The following GALNT14 variants were observed in gnomAD, a reference collection of about 807,000 sequenced individuals.
The protein encoded by GALNT14 is polypeptide N-acetylgalactosaminyltransferase 14, also known as UDP-GalNAc:polypeptide N-acetylgalactosaminyltransferase 14.
Under a neutral mutation model 77.5 loss-of-function variants are expected in GALNT14, and 60 were observed. The ratio of observed to expected loss-of-function variants is 0.77; its 90% CI spans 0.63 to 0.96. The LOEUF (loss-of-function observed/expected upper bound fraction) is 0.96, where lower values mean the gene tolerates loss of function less well. Among genes scored for constraint, GALNT14 ranks in the 40% least tolerant of loss-of-function variants. The pLI, the probability that GALNT14 is intolerant of heterozygous loss-of-function variation, is 0.00. For synonymous variants in GALNT14, 280 were observed against 281.7 expected (o/e 0.99, Z 0.06); for missense variants, 710 against 731.0 (o/e 0.97, Z 0.33).
chr2:30,993,881 A>T (rs1669866733), intron 1 of GALNT14, among the ~76,000 whole-genome samples: 1 of 152,202 alleles, frequency 6.6e-6, no homozygotes, highest in African/African-American at 2.4e-5. Context: ...TCCTAGCCAC[A>T]GCCCAGGCTG....
chr2:31,059,168 C>A (rs943159281), intron 1 of GALNT14, among the ~76,000 whole-genome samples: 2 of 152,170 alleles, frequency 1.3e-5, no homozygotes, highest in Non-Finnish European at 2.9e-5. Context: ...TCCCAAGGGA[C>A]AATATTTCTT....
intron 1 of GALNT14, among the ~76,000 whole-genome samples, chr2:31,014,205 G>A (rs1434866197): frequency 1.3e-5 from 2 of 152,202 alleles, no homozygotes; most frequent in African/African-American, 2.4e-5. Flanking sequence ...CATAGTAAAT[G>A]TCAATTAAGA....
At chr2:30,887,636 A>G in the GALNT14 span, among the ~76,000 whole-genome samples, 1 of 152,230 alleles carries the variant, frequency 6.6e-6, no homozygotes, top group Non-Finnish European at 1.5e-5. Context: ...CTCCAGAGAT[A>G]CGATTTGCAA....
In GALNT14 at chr2:31,047,471, G is replaced by A. The variant is rs1573237484; in HGVS notation, c.130-54464C>T. Among the ~76,000 whole-genome samples, 4 of 152,234 alleles carry A rather than the reference G, an allele frequency of 2.6e-5. No homozygotes were observed. In the South Asian group the frequency reaches 8.3e-4, roughly 32 times the overall value. On this transcript the variant is annotated intron_variant, in intron 1 of 14. Coordinates refer to ENST00000349752, the MANE Select transcript of GALNT14 (RefSeq NM_024572.4). ...TCCCAGGGCCACAGATTCCCATTTG[G>A]AGCTACTCTCTGGGCCTGAAGAGCT... is the stretch of plus-strand genomic sequence containing the variant.
At chr2:31,110,272 C>T (rs192346910) in intron 1 of GALNT14, among the ~76,000 whole-genome samples, 8 of 152,276 alleles carry the variant, frequency 5.3e-5, no homozygotes, top group East Asian at 1.9e-4. Flanking sequence ...CTTGTTTCTA[C>T]GCACTCTATT....
intron 6 of GALNT14, among the ~76,000 whole-genome samples, chr2:30,951,731 G>C (rs769970519): frequency 2.6e-5 from 4 of 152,226 alleles, no homozygotes; most frequent in Non-Finnish European, 4.4e-5. Flanking sequence ...CATGGGGACT[G>C]AGTCCACTGC....
chr2:30,958,360 A>C, intron 4 of GALNT14, 37 bp downstream of exon 4: 1 of 1,576,794 alleles, frequency 6.3e-7, no homozygotes, highest in Non-Finnish European at 8.7e-7. Context: ...GGGAACAGAC[A>C]TTCGTGTCTA....
In GALNT14 at chr2:31,125,314, T is replaced by C. The variant is rs576431721; in HGVS notation, c.129+12644A>G. On this transcript the variant is annotated intron_variant, in intron 1 of 14. Transcript: ENST00000349752. ...ATTTCTTTGGCAATTAATAGCAGCA[T>C]TGATTTCACAGAGATCTTACCCCTC... 7.5e-5 allele frequency: 92 copies of C among 1,222,026 alleles called. No homozygotes were observed. The African/African-American group carries it at 1.3e-3, about 17-fold the overall frequency. The allele number at this position is 1,222,026 out of a possible 1,614,324, so 75.7% of individuals were successfully genotyped here.
intron 1 of GALNT14, among the ~76,000 whole-genome samples, chr2:31,102,985 A>T (rs1297011417): frequency 6.6e-6 from 1 of 151,970 alleles, no homozygotes; most frequent in Non-Finnish European, 1.5e-5. Context: ...TCCTTCACTC[A>T]TCCTTTTATT....
At chr2:31,015,993 G>T (rs1398880024) in intron 1 of GALNT14, among the ~76,000 whole-genome samples, 1 of 152,192 alleles carries the variant, frequency 6.6e-6, no homozygotes, top group Non-Finnish European at 1.5e-5. Flanking sequence ...GGAAGGAGAT[G>T]ATGAGAGTCA....
chr2:31,036,578 T>C (rs189021974), intron 1 of GALNT14, among the ~76,000 whole-genome samples: 189 of 152,374 alleles, frequency 1.2e-3, no homozygotes, highest in African/African-American at 4.4e-3. Context: ...TGTTTACTTC[T>C]GTAGTTACCT....
chr2:30,938,386 T>A (rs4952006), intron 9 of GALNT14, among the ~76,000 whole-genome samples: 27,115 of 109,474 alleles, frequency 0.25, 2,499 homozygotes, highest in East Asian at 0.37. Context: ...ACACACACAC[T>A]CTCTCTCTCT....
intron 1 of GALNT14, among the ~76,000 whole-genome samples, chr2:30,996,085 C>T (rs1202356650): frequency 6.6e-6 from 1 of 152,202 alleles, no homozygotes; most frequent in Admixed American, 6.5e-5. Flanking sequence ...AATCTGCTTT[C>T]TTCAGTCTAC....
At chr2:31,035,588 TAC>T (rs1558512141) in intron 1 of GALNT14, among the ~76,000 whole-genome samples, 10 of 129,312 alleles carry the variant, frequency 7.7e-5, no homozygotes, top group African/African-American at 1.6e-4. Context: ...TGTGTGTGTA[TAC>T]ATATACATAT....
intron 1 of GALNT14, among the ~76,000 whole-genome samples, chr2:31,046,207 C>T (rs1159881953): frequency 1.3e-5 from 2 of 150,834 alleles, no homozygotes; most frequent in African/African-American, 4.9e-5. Context: ...CCTAAGTTGG[C>T]TGACTCTGGA....
intron 1 of GALNT14, 113 bp downstream of exon 1, chr2:31,137,845 C>T (rs1679297711): frequency 2.2e-6 from 3 of 1,377,368 alleles, no homozygotes; most frequent in Non-Finnish European, 2.9e-6. Context: ...GTTACCTGCT[C>T]GCAGCACCCA....
chr2:31,042,853 G>A (rs368368962), intron 1 of GALNT14, among the ~76,000 whole-genome samples: 1 of 152,222 alleles, frequency 6.6e-6, no homozygotes, highest in East Asian at 1.9e-4. Flanking sequence ...CTCTCCCAAA[G>A]TCTATTTGCA....
At chr2:30,913,906 A>G (rs768062025) in intron 13 of GALNT14, among the ~76,000 whole-genome samples, 2 of 152,214 alleles carry the variant, frequency 1.3e-5, no homozygotes, top group Non-Finnish European at 2.9e-5. Context: ...ATTTTCTATA[A>G]TAAAAAGTCA....
At chr2:30,935,225 G>A (rs892984754) in intron 9 of GALNT14, among the ~76,000 whole-genome samples, 1 of 152,140 alleles carries the variant, frequency 6.6e-6, no homozygotes, top group Non-Finnish European at 1.5e-5. Flanking sequence ...GCATTCAAAA[G>A]CAGGGAAGCA....
Sources: gnomAD v4.1 joint callset for allele counts (sites outside exome capture counted in the v4.1 genomes callset) on GRCh38, gnomAD v4.1.1 for gene constraint, MANE v1.5 for transcripts, NCBI Gene and HGNC (gene_info 2026-07-23, HGNC 2026-07-21) for gene names.